FOXK1: variants seen among roughly 807,000 people sequenced by gnomAD.
FOXK1 encodes forkhead box protein K1.
In FOXK1, 19 loss-of-function variants were observed where a neutral mutation model predicts 51.9. The ratio of observed to expected loss-of-function variants is 0.37; its 90% CI spans 0.26 to 0.54. FOXK1 has a LOEUF of 0.54. Among genes scored for constraint, FOXK1 ranks in the 20% least tolerant of loss-of-function variants. The probability of loss-of-function intolerance (pLI) is 0.87; values close to 1 mark genes in which losing one functional copy is unlikely to be tolerated. For synonymous variants in FOXK1, 537 were observed against 482.6 expected (o/e 1.11, Z -1.48); for missense variants, 870 against 1,032.7 (o/e 0.84, Z 2.16).
intron 1 of FOXK1, among the ~76,000 whole-genome samples, chr7:4,684,194 C>T (rs796735213): frequency 1.1e-4 from 17 of 152,296 alleles, no homozygotes; most frequent in African/African-American, 4.1e-4. Flanking sequence ...GAGCCACTTT[C>T]TTTTTCTATT....
chr7:4,752,091 T>C (rs1780786789), intron 2 of FOXK1, among the ~76,000 whole-genome samples: 1 of 152,260 alleles, frequency 6.6e-6, no homozygotes, highest in Non-Finnish European at 1.5e-5. Context: ...CAGCTGGAAC[T>C]GCAGGTGTGC....
chr7:4,717,996 C>A (rs972709488), intron 1 of FOXK1, among the ~76,000 whole-genome samples: 2 of 152,138 alleles, frequency 1.3e-5, no homozygotes, highest in African/African-American at 2.4e-5. Flanking sequence ...TTTTACTCCC[C>A]CTGTGTGCCA....
chr7:4,755,124 G>A lies in FOXK1; in HGVS notation c.904-113G>A. 3 of 1,375,892 alleles carry A rather than the reference G, an allele frequency of 2.2e-6. No homozygotes were observed. Among genetic ancestry groups the A allele is most frequent in the Non-Finnish European group, 2.0e-6 (2 of 1,013,092 alleles). 85.2% of individuals were successfully genotyped at this position (1,375,892 alleles called of 1,614,324 possible). A position where few individuals can be genotyped will look rare whatever the true frequency, so the allele number is the denominator to read the frequency against. On this transcript the variant is annotated intron_variant, in intron 3 of 8. Transcript: ENST00000328914. The surrounding 1 kb of genome is among the most constrained non-coding windows in gnomAD (Gnocchi z 6.6). ...TTGGAGGGCACTGGGACGGGTGCCG[G>A]CAAGACGCGCACATTCTCGTGGGAA...
intron 2 of FOXK1, among the ~76,000 whole-genome samples, chr7:4,746,613 A>T (rs1001231481): frequency 6.6e-6 from 1 of 152,204 alleles, no homozygotes; most frequent in East Asian, 1.9e-4. Flanking sequence ...GCTTGAGCCC[A>T]GCAGTTGGAG....
Position 4,768,602 on chromosome 7 carries a change from G to A in FOXK1, c.*6138G>A, listed in dbSNP as rs932468442. The A allele has an allele frequency of 1.8e-4, 27 of 152,512 alleles. No homozygotes were observed. The highest frequency in any genetic ancestry group is 6.3e-4 in the African/African-American group (26 of 41,468). 9.4% of individuals were successfully genotyped at this position (152,512 alleles called of 1,614,324 possible). On this transcript the variant is annotated 3_prime_UTR_variant, in exon 9 of 9. Coordinates refer to ENST00000328914, the MANE Select transcript of FOXK1 (RefSeq NM_001037165.2). Reference sequence around the variant, plus strand: ...GGAACATTTCAACCCCCTCCGGGAAGGTGGGCAGGGTGGAGGGCCCAGGGC... The same window carrying A: ...GGAACATTTCAACCCCCTCCGGGAAAGTGGGCAGGGTGGAGGGCCCAGGGC...
rs1017104764 is a variant in FOXK1, at chr7:4,730,323, T to C, written c.561-10515T>C. Among the ~76,000 whole-genome samples the C allele has an allele frequency of 6.6e-6, 1 of 152,134 alleles. No individual in the cohort carries two copies. Among genetic ancestry groups the C allele is most frequent in the African/African-American group, 2.4e-5 (1 of 41,426 alleles). On this transcript the variant is annotated intron_variant, in intron 1 of 8. Coordinates refer to ENST00000328914, the MANE Select transcript of FOXK1 (RefSeq NM_001037165.2). This position sits in a 1 kb window ranked among gnomAD's most constrained non-coding sequence, Gnocchi z 4.7. ...GAGTACACTCGGCCAGGGTGAGTGA[T>C]GGGCAGGCACAGAGCTGTGTCTCTG...
At chr7:4,737,872 C>G (rs1200729300) in intron 1 of FOXK1, among the ~76,000 whole-genome samples, 1 of 152,182 alleles carries the variant, frequency 6.6e-6, no homozygotes, top group African/African-American at 2.4e-5. Context: ...CCTGTAATCC[C>G]AGCATTTTAG....
At chr7:4,754,084 G>T (rs1437179131) in intron 2 of FOXK1, among the ~76,000 whole-genome samples, 1 of 152,176 alleles carries the variant, frequency 6.6e-6, no homozygotes, top group Non-Finnish European at 1.5e-5. Flanking sequence ...ACCTGTGCAG[G>T]AGCCAGCAGC....
Position 4,754,613 on chromosome 7 carries a change from A to G in FOXK1, c.901A>G (p.Lys301Glu), listed in dbSNP as rs1780818893. The G allele has an allele frequency of 1.2e-6, 2 of 1,603,096 alleles. No individual in the cohort carries two copies. Among genetic ancestry groups the G allele is most frequent in the South Asian group, 1.1e-5 (1 of 91,054 alleles). ...QADTSGGDSP[K>E]DESKPPFSYA... ...AGACACGTCTGGAGGAGACAGCCCC[A>G]AGGTCTGAGCCCACCTGGCGCCGTG... is the stretch of plus-strand genomic sequence containing the variant. Residue 301 changes from lysine (K) to glutamate (E), a missense_variant and splice_region_variant, in exon 3 of 9, where the codon AAG becomes GAG. Physicochemically the swap from Lys to Glu is moderately conservative, Grantham distance 56. Around this residue, in one of 3 missense-constraint regions of FOXK1, gnomAD observed 399 missense variants for 475.6 expected, o/e 0.84. Transcript: ENST00000328914.
chr7:4,762,389 G>T lies in FOXK1; in HGVS notation c.2127G>T (p.Glu709Asp), dbSNP rs1365893502. 4 of 1,549,990 alleles carry T rather than the reference G, an allele frequency of 2.6e-6. No individual in the cohort carries two copies. Among genetic ancestry groups the T allele is most frequent in the Non-Finnish European group, 3.5e-6 (4 of 1,147,284 alleles). ...EPEVKRSRVE[E>D]PSGAVTTPAG... ...AGGTCAAAAGGTCCCGGGTGGAGGA[G>T]CCCAGTGGTGCTGTAACCACACCGG... is the stretch of plus-strand genomic sequence containing the variant. Residue 709 changes from glutamate to aspartate, a missense_variant, in exon 9 of 9, where the codon GAG becomes GAT. Transcript: ENST00000328914. The surrounding 1 kb of genome is among the most constrained non-coding windows in gnomAD (Gnocchi z 5.7).
rs1780719021 is a variant in FOXK1 at position 4,747,427 on chromosome 7, T to C, written c.746+6404T>C. On this transcript the variant is annotated intron_variant, in intron 2 of 8. Transcript: ENST00000328914. The surrounding 1 kb of genome is among the most constrained non-coding windows in gnomAD (Gnocchi z 9.2). ...GCAGCTCCTGTTGAAGCCACCATGC[T>C]GGTTATTCTCACCAGGGCAAAGTGC... 6.6e-6 allele frequency among the ~76,000 whole-genome samples: 1 copy of C among 152,264 alleles called. No individual in the cohort carries two copies.
intron 1 of FOXK1, among the ~76,000 whole-genome samples, chr7:4,704,558 C>G (rs1236969745): frequency 1.3e-5 from 2 of 151,142 alleles, no homozygotes; most frequent in South Asian, 2.1e-4. Context: ...TTACCGGGTA[C>G]TTTGTGAATA....
intron 1 of FOXK1, among the ~76,000 whole-genome samples, chr7:4,726,219 CTTGTTT>C (rs1039014087): frequency 1.3e-5 from 2 of 152,104 alleles, no homozygotes; most frequent in African/African-American, 4.8e-5. Flanking sequence ...CTAGAACGTT[CTTGTTT>C]TTGGCCTACG....
At chr7:4,727,603 G>T (rs1379864244) in intron 1 of FOXK1, among the ~76,000 whole-genome samples, 1 of 152,176 alleles carries the variant, frequency 6.6e-6, no homozygotes, top group Non-Finnish European at 1.5e-5. Context: ...GCTTAGCCAC[G>T]GCGCCCGGCC....
intron 1 of FOXK1, among the ~76,000 whole-genome samples, chr7:4,705,970 ATACG>A (rs1265752169): frequency 5.2e-5 from 4 of 76,384 alleles, no homozygotes; most frequent in African/African-American, 1.7e-4. Context: ...GTATATATAT[ATACG>A]TATATATACG....
chr7:4,682,689 C>T lies in FOXK1; in HGVS notation c.381C>T (p.Arg127=). The change falls in exon 1 of 9, where the codon CGC becomes CGT. Residue 127 remains arginine, a synonymous_variant. Transcript: ENST00000328914. The surrounding 1 kb of genome is among the most constrained non-coding windows in gnomAD (Gnocchi z 7.6). ...LMRQPSVTIG[R]NSSQGSVDLS... is the part of the protein sequence containing the mutation. The stretch of plus-strand genomic sequence containing the variant: ...GCCAGCCCAGCGTCACCATCGGCCG[C>T]AACTCGTCGCAGGGCTCGGTGGACT... The T allele has an allele frequency of 6.2e-7, 1 of 1,600,306 alleles. No homozygotes were observed. The highest frequency in any genetic ancestry group is 1.1e-5 in the South Asian group (1 of 89,700).
At chr7:4,697,517 T>C (rs1014495252) in intron 1 of FOXK1, among the ~76,000 whole-genome samples, 4 of 152,150 alleles carry the variant, frequency 2.6e-5, no homozygotes, top group African/African-American at 9.7e-5. Flanking sequence ...GCCTGTGTTA[T>C]TTCCTTCTGG....
chr7:4,719,387 G>A (rs1293681834), intron 1 of FOXK1, among the ~76,000 whole-genome samples: 2 of 151,910 alleles, frequency 1.3e-5, no homozygotes, highest in East Asian at 1.9e-4. Flanking sequence ...TGATCCTCCC[G>A]CCTCTGCCTC....
intron 1 of FOXK1, among the ~76,000 whole-genome samples, chr7:4,692,958 C>T (rs1779911467): frequency 6.6e-6 from 1 of 152,094 alleles, no homozygotes; most frequent in South Asian, 2.1e-4. Flanking sequence ...TGACTGGTCT[C>T]AAACTCCTGG....
Sources: gnomAD v4.1 joint callset for allele counts (sites outside exome capture counted in the v4.1 genomes callset) on GRCh38, gnomAD v4.1.1 for gene constraint, gnomAD v4.1.1 regional missense constraint, Gnocchi (gnomAD v3.1) non-coding constraint, MANE v1.5 for transcripts, NCBI Gene and HGNC (gene_info 2026-07-23, HGNC 2026-07-21) for gene names.